RSBN1: variants seen among roughly 807,000 people sequenced by gnomAD.
The protein encoded by RSBN1 is lysine-specific demethylase 9.
Under a neutral mutation model 74.8 loss-of-function variants are expected in RSBN1, and 23 were observed. The observed-to-expected ratio is 0.31, with a 90% CI of 0.22 to 0.44. The LOEUF (loss-of-function observed/expected upper bound fraction) is 0.44. Ranked by LOEUF, RSBN1 falls within the 20% of genes least tolerant of loss-of-function variation. The pLI, the probability that RSBN1 is intolerant of heterozygous loss-of-function variation, is 1.00. For synonymous variants in RSBN1, 407 were observed against 379.6 expected (o/e 1.07, Z -0.84); for missense variants, 808 against 1,020.9 (o/e 0.79, Z 2.84).
At chr1:113,767,940 T>A (rs1659811302) in intron 5 of RSBN1, 1 of 250,322 alleles carries the variant, frequency 4.0e-6, no homozygotes, top group South Asian at 1.2e-4. Flanking sequence ...AGAAACAAAG[T>A]AGAATGATGG....
intron 1 of RSBN1, among the ~76,000 whole-genome samples, chr1:113,799,869 TAG>T (rs951380222): frequency 1.3e-5 from 2 of 152,302 alleles, no homozygotes; most frequent in Admixed American, 1.3e-4. Context: ...AAATACCAGG[TAG>T]AGTCCTGACG....
chr1:113,783,137 T>C (rs1477631316), intron 2 of RSBN1, among the ~76,000 whole-genome samples: 1 of 152,152 alleles, frequency 6.6e-6, no homozygotes, highest in Admixed American at 6.5e-5. Context: ...AATACAAACT[T>C]TGTGAAAGAG....
chr1:113,779,145 T>C (rs551990902), intron 2 of RSBN1, among the ~76,000 whole-genome samples: 2 of 152,320 alleles, frequency 1.3e-5, no homozygotes, highest in East Asian at 3.9e-4. Flanking sequence ...CATATAGCTG[T>C]ACCTTTATAT....
chr1:113,798,175 A>T (rs1252071661), intron 1 of RSBN1, 139 bp from the exon 2 acceptor site: 1 of 681,366 alleles, frequency 1.5e-6, no homozygotes. Flanking sequence ...TTAGAAAACA[A>T]ATGAGACAGA....
intron 2 of RSBN1, among the ~76,000 whole-genome samples, chr1:113,796,511 A>C (rs115910898): frequency 0.012 from 1,843 of 152,234 alleles, 48 homozygotes; most frequent in African/African-American, 0.043. Context: ...AAAAATATAT[A>C]TATATTAAGG....
chr1:113,798,554 G>A (rs550370894), intron 1 of RSBN1, among the ~76,000 whole-genome samples: 36 of 152,058 alleles, frequency 2.4e-4, no homozygotes, highest in Non-Finnish European at 3.7e-4. Flanking sequence ...CAAAGTCTGC[G>A]GTTTCTGGTC....
chr1:113,785,137 CT>C (rs1376454569), intron 2 of RSBN1, among the ~76,000 whole-genome samples: 1 of 148,160 alleles, frequency 6.7e-6, no homozygotes, highest in Non-Finnish European at 1.5e-5. Context: ...TTTTTTTTTA[CT>C]TTTTTTAAAC....
rs1423940474 is a variant in RSBN1, at chr1:113,812,094, G to A, written c.319C>T (p.Pro107Ser). ...QEKRGRPSQEPPLAPPHRRRR... is the reference protein window; with the variant it reads ...QEKRGRPSQESPLAPPHRRRR... ...CGCCGGTGAGGGGGAGCGAGAGGGG[G>A]CTCCTGGCTCGGCCGCCCCCGCTTC... Residue 107 changes from proline to serine, a missense_variant, in exon 1 of 7, where the codon CCC (proline) becomes TCC (serine). Coordinates refer to ENST00000261441, the MANE Select transcript of RSBN1 (RefSeq NM_018364.5). 5.0e-6 allele frequency: 8 copies of A among 1,593,590 alleles called. No homozygotes were observed. In the South Asian group the frequency reaches 7.8e-5, roughly 16 times the overall value.
At chr1:113,788,726 G>A (rs1660306714) in intron 2 of RSBN1, among the ~76,000 whole-genome samples, 1 of 152,096 alleles carries the variant, frequency 6.6e-6, no homozygotes, top group African/African-American at 2.4e-5. Flanking sequence ...CTGAATTCAG[G>A]CAAGAGTCAT....
chr1:113,808,755 A>C (rs1393368473), intron 1 of RSBN1, among the ~76,000 whole-genome samples: 1 of 152,190 alleles, frequency 6.6e-6, no homozygotes, highest in African/African-American at 2.4e-5. Context: ...ATAGTCTCAA[A>C]ATGACAAAAC....
At chr1:113,773,795 G>A (rs1037029216) in intron 4 of RSBN1, among the ~76,000 whole-genome samples, 2 of 152,142 alleles carry the variant, frequency 1.3e-5, no homozygotes, top group African/African-American at 2.4e-5. Context: ...ACAAGGTCAA[G>A]AGATCGAGAC....
At chr1:113,767,948 T>C (rs1055291238) in intron 5 of RSBN1, 5 of 265,828 alleles carry the variant, frequency 1.9e-5, no homozygotes, top group African/African-American at 1.1e-4. Flanking sequence ...AGTAGAATGA[T>C]GGTTACCAGA....
intron 1 of RSBN1, among the ~76,000 whole-genome samples, chr1:113,803,939 C>CAAAAAAAAAAAAAAAAAAAAAAAAAAAAA (rs55787910): frequency 1.6e-5 from 1 of 63,476 alleles, no homozygotes. Context: ...CCCATTTTTA[C>CAAAAAAAAAAAAAAAAAAAAAAAAAAAAA]AAAAAAAAAA....
chr1:113,796,949 GAT>G (rs976335166), intron 2 of RSBN1, among the ~76,000 whole-genome samples: 1 of 152,174 alleles, frequency 6.6e-6, no homozygotes, highest in African/African-American at 2.4e-5. Flanking sequence ...TACTGAAAGA[GAT>G]ATAAAAACTC....
chr1:113,811,165 T>A (rs1660834299), intron 1 of RSBN1, among the ~76,000 whole-genome samples: 1 of 152,224 alleles, frequency 6.6e-6, no homozygotes, highest in Non-Finnish European at 1.5e-5. Context: ...ATGAAAACTT[T>A]AAAATGATTT....
intron 5 of RSBN1, 128 bp downstream of exon 5, chr1:113,768,094 T>C (rs1031575363): frequency 2.9e-6 from 2 of 694,600 alleles, no homozygotes; most frequent in African/African-American, 1.8e-5. Flanking sequence ...CATTTAAAAA[T>C]GGTTAAGATG....
intron 1 of RSBN1, 23 bp downstream of exon 1, chr1:113,811,687 C>A: frequency 6.4e-7 from 1 of 1,554,388 alleles, no homozygotes; most frequent in Non-Finnish European, 8.7e-7. Context: ...AGAACCCAAG[C>A]CGGGCAGTTT....
At position 113,767,102 on chromosome 1, in the gene RSBN1, G is replaced by A. The variant is rs1266628254; in HGVS notation, c.1932C>T (p.Ser644=). 2.6e-6 allele frequency: 4 copies of A among 1,565,120 alleles called. No individual in the cohort carries two copies. Among genetic ancestry groups the A allele is most frequent in the Non-Finnish European group, 3.5e-6 (4 of 1,140,194 alleles). ...LQLDLHEPPV[S]QCVQWVDEAK... ...GTGATAAAACATAAGTTATTACCTG[G>A]GAAACTGGAGGTTCATGAAGATCTA... is the stretch of plus-strand genomic sequence containing the variant. The change falls in exon 6 of 7, where the codon TCC becomes TCT. Residue 644 remains serine (S), a synonymous_variant. Transcript: ENST00000261441.
chr1:113,797,703 CG>C lies in RSBN1; in HGVS notation c.1036del (p.Arg346ValfsTer5). ...AGTACCTGTTTTTAAGAAATTTCTA[CG>C]AATAGAATGTTCCTGGTGAGTCATA... ...PFMTHQEHSI[R>X]RNFLKTGTKF... On this transcript the variant is annotated frameshift_variant, in exon 2 of 7. Transcript: ENST00000261441. LOFTEE classifies it high-confidence loss of function. 1 of 1,614,058 alleles carries C rather than the reference CG, an allele frequency of 6.2e-7. No homozygotes were observed. The highest frequency in any genetic ancestry group is 8.5e-7 in the Non-Finnish European group (1 of 1,179,974).
Sources: allele counts gnomAD v4.1 joint callset (sites outside exome capture counted in the v4.1 genomes callset), GRCh38; gene constraint gnomAD v4.1.1; transcripts MANE v1.5; gene names NCBI Gene and HGNC (gene_info 2026-07-23, HGNC 2026-07-21).